Variants in EPHA6 observed in about 807,000 individuals in gnomAD.
EPHA6 encodes the protein ephrin type-A receptor 6.
In EPHA6, 50 loss-of-function variants were observed where a neutral mutation model predicts 112.0. The ratio of observed to expected loss-of-function variants is 0.45; its 90% CI spans 0.36 to 0.56. The LOEUF (loss-of-function observed/expected upper bound fraction) is 0.56, where lower values mean the gene tolerates loss of function less well. Among genes scored for constraint, EPHA6 ranks in the 20% least tolerant of loss-of-function variants. The pLI is 0.00. For synonymous variants in EPHA6, 529 were observed against 490.7 expected, an observed-to-expected ratio of 1.08 and a Z score of -1.03; for missense variants, 1,280 against 1,417.4, an observed-to-expected ratio of 0.90 and a Z score of 1.56.
intron 6 of EPHA6, among the ~76,000 whole-genome samples, chr3:97,443,711 T>C (rs1006685473): frequency 2.6e-5 from 4 of 152,186 alleles, no homozygotes; most frequent in African/African-American, 9.6e-5. Flanking sequence ...GAAATGTGTA[T>C]TTAAACATTT....
intron 5 of EPHA6, among the ~76,000 whole-genome samples, chr3:97,281,201 ATGTGTGTGTGTG>A (rs10547257): frequency 7.1e-6 from 1 of 140,506 alleles, no homozygotes; most frequent in Non-Finnish European, 1.5e-5. Flanking sequence ...CAAAGAGTCT[ATGTGTGTGTGTG>A]TGTGTGTGTG....
chr3:97,466,058 T>C (rs1181350027), intron 7 of EPHA6, among the ~76,000 whole-genome samples: 6 of 151,896 alleles, frequency 4.0e-5, no homozygotes, highest in African/African-American at 1.4e-4. Context: ...AGGACTGATT[T>C]CCCCCCAAAA....
Position 97,601,659 on chromosome 3 carries a change from G to A in EPHA6, c.2512+8922G>A, listed in dbSNP as rs370263726. Among the ~76,000 whole-genome samples, 25 of 152,082 alleles carry A rather than the reference G, an allele frequency of 1.6e-4. No homozygotes were observed. The East Asian group carries it at 4.5e-3, about 27-fold the overall frequency. ...CTTTTTAAAAATTAAACATTTGGAAGAGTTGCAGAAAAGATTAAGAAATAA... is the reference window on the plus strand; with the variant it reads ...CTTTTTAAAAATTAAACATTTGGAAAAGTTGCAGAAAAGATTAAGAAATAA... On this transcript the variant is annotated intron_variant, in intron 12 of 17. Coordinates refer to ENST00000389672, the MANE Select transcript of EPHA6 (RefSeq NM_001080448.3).
chr3:97,225,548 A>G (rs987252402), intron 3 of EPHA6, among the ~76,000 whole-genome samples: 4 of 152,142 alleles, frequency 2.6e-5, no homozygotes, highest in Non-Finnish European at 4.4e-5. Context: ...GTGACTATAT[A>G]CTATTTATTT....
chr3:97,541,697 A>T (rs947545224), intron 11 of EPHA6, among the ~76,000 whole-genome samples: 6 of 143,796 alleles, frequency 4.2e-5, no homozygotes, highest in Admixed American at 2.8e-4. Flanking sequence ...ACTGTCCCTC[A>T]GTTCGGGTGT....
chr3:97,406,381 G>C (rs1325044989), intron 6 of EPHA6, among the ~76,000 whole-genome samples: 1 of 152,128 alleles, frequency 6.6e-6, no homozygotes, highest in Non-Finnish European at 1.5e-5. Context: ...GGCAAGGCCA[G>C]GGTGAGAGAG....
Position 97,478,796 on chromosome 3 carries a change from G to A in EPHA6, c.2004-498G>A, listed in dbSNP as rs190222724. Among the ~76,000 whole-genome samples, 291 of 152,140 alleles carry A rather than the reference G, an allele frequency of 1.9e-3. 3 individuals carry two copies. Among genetic ancestry groups the A allele is most frequent in the East Asian group, 9.7e-4 (5 of 5,168 alleles). On this transcript the variant is annotated intron_variant, in intron 8 of 17. Transcript: ENST00000389672. The stretch of plus-strand genomic sequence containing the variant: ...ATTTGATAAACCATCAAATCATATG[G>A]ATGTTGAAGAATTTACTCATATTGA...
At chr3:96,928,231 A>C (rs1234813517) in intron 2 of EPHA6, among the ~76,000 whole-genome samples, 1 of 152,214 alleles carries the variant, frequency 6.6e-6, no homozygotes, top group Non-Finnish European at 1.5e-5. Context: ...TGTTAGCTTG[A>C]GATCCTTCTA....
intron 11 of EPHA6, among the ~76,000 whole-genome samples, chr3:97,584,269 A>G (rs1342430381): frequency 6.6e-6 from 1 of 152,198 alleles, no homozygotes; most frequent in African/African-American, 2.4e-5. Context: ...GTCAAGGAGA[A>G]TAAGACATAC....
intron 12 of EPHA6, among the ~76,000 whole-genome samples, chr3:97,607,592 G>A (rs549820164): frequency 6.6e-6 from 1 of 151,188 alleles, no homozygotes; most frequent in South Asian, 2.1e-4. Context: ...TGTGTGACTT[G>A]TAGAAGTATC....
At chr3:97,379,515 C>A (rs561912326) in intron 5 of EPHA6, among the ~76,000 whole-genome samples, 1 of 151,732 alleles carries the variant, frequency 6.6e-6, no homozygotes, top group Non-Finnish European at 1.5e-5. Context: ...CTTTGGGAGG[C>A]TGAGGTGGGT....
intron 2 of EPHA6, among the ~76,000 whole-genome samples, chr3:96,930,957 A>G (rs1156693959): frequency 1.5e-5 from 2 of 137,706 alleles, no homozygotes; most frequent in Non-Finnish European, 3.1e-5. Flanking sequence ...ACAACATTGC[A>G]CTACAGCCTG....
chr3:97,326,556 A>G (rs1379588962), intron 5 of EPHA6, among the ~76,000 whole-genome samples: 1 of 152,088 alleles, frequency 6.6e-6, no homozygotes, highest in Non-Finnish European at 1.5e-5. Flanking sequence ...AGGAAAATTG[A>G]ATTAATGACA....
At chr3:97,402,726 TTC>T (rs2087070379) in intron 5 of EPHA6, among the ~76,000 whole-genome samples, 2 of 152,186 alleles carry the variant, frequency 1.3e-5, no homozygotes, top group South Asian at 2.1e-4. Context: ...ACTTCTGTAA[TTC>T]TCTCTCGAGA....
chr3:97,053,313 G>A (rs776260577), intron 3 of EPHA6, among the ~76,000 whole-genome samples: 7 of 152,026 alleles, frequency 4.6e-5, no homozygotes, highest in South Asian at 2.1e-4. Flanking sequence ...TCTAGAGAAG[G>A]ACTAGTAAGT....
intron 2 of EPHA6, among the ~76,000 whole-genome samples, chr3:96,982,177 C>G (rs1435334247): frequency 1.3e-5 from 2 of 152,178 alleles, no homozygotes; most frequent in Non-Finnish European, 2.9e-5. Flanking sequence ...TTCCTGCTTT[C>G]TCTTGTGGGT....
rs1365179477 is a variant in EPHA6 at position 97,759,222 on chromosome 3, G to A, written c.*10521G>A. ...GTCCATGGGAATTAGCAACATGGAA[G>A]TTGTTGTTGTTGATGACCTTCACAA... On this transcript the variant is annotated 3_prime_UTR_variant, in exon 18 of 18. Coordinates refer to ENST00000389672, the MANE Select transcript of EPHA6 (RefSeq NM_001080448.3). 6.6e-6 allele frequency among the ~76,000 whole-genome samples: 1 copy of A among 151,976 alleles called. No homozygotes were observed. Among genetic ancestry groups the A allele is most frequent in the Admixed American group, 6.6e-5 (1 of 15,260 alleles).
At position 97,638,103 on chromosome 3, in the gene EPHA6, C is replaced by A. The variant is rs773994963; in HGVS notation, c.2784+21C>A. 3.2e-6 allele frequency: 5 copies of A among 1,541,586 alleles called. No individual in the cohort carries two copies. In the Admixed American group the frequency reaches 6.9e-5, roughly 21 times the overall value. On this transcript the variant is annotated intron_variant, in intron 14 of 17. Coordinates refer to ENST00000389672, the MANE Select transcript of EPHA6 (RefSeq NM_001080448.3). The stretch of plus-strand genomic sequence containing the variant: ...CAACTGTAAGTTTATATGCCCTTTC[C>A]TAATATAGTCTGTTTACTTTTATTG...
At chr3:97,266,265 T>C (rs1051796552) in intron 5 of EPHA6, among the ~76,000 whole-genome samples, 2 of 152,146 alleles carry the variant, frequency 1.3e-5, no homozygotes, top group African/African-American at 4.8e-5. Context: ...ATTAAAATAA[T>C]GTGATTTAAA....
Sources: allele counts gnomAD v4.1 joint callset (sites outside exome capture counted in the v4.1 genomes callset), GRCh38; gene constraint gnomAD v4.1.1; transcripts MANE v1.5; gene names NCBI Gene and HGNC (gene_info 2026-07-23, HGNC 2026-07-21).